Variants in CASP10 observed in about 807,000 individuals in gnomAD.
The protein encoded by CASP10 is caspase-10.
Under a neutral mutation model 48.5 loss-of-function variants are expected in CASP10, and 41 were observed. The observed-to-expected ratio is 0.85, with a 90% CI of 0.66 to 1.10. CASP10 has a LOEUF of 1.10. CASP10 is among the 50% of genes least tolerant of loss of function. CASP10 has a pLI of 0.00. For missense variants in CASP10, 614 were observed against 614.5 expected (o/e 1.00, Z 0.01); for synonymous variants, 232 against 238.4 (o/e 0.97, Z 0.25).
intron 3 of CASP10, among the ~76,000 whole-genome samples, chr2:201,192,405 A>G (rs1315700746): frequency 6.6e-6 from 1 of 151,430 alleles, no homozygotes; most frequent in Non-Finnish European, 1.5e-5. Flanking sequence ...AATAATAATA[A>G]TAATAATAAT....
In CASP10 at chr2:201,218,519, C is replaced by T. The variant is rs1353595847; in HGVS notation, c.*778C>T. 1.2e-6 allele frequency: 1 copy of T among 851,854 alleles called. No individual in the cohort carries two copies. Among genetic ancestry groups the T allele is most frequent in the Non-Finnish European group, 1.4e-6 (1 of 708,628 alleles). 52.8% of individuals were successfully genotyped at this position (851,854 alleles called of 1,614,324 possible). A position where few individuals can be genotyped will look rare whatever the true frequency, so the allele number is the denominator to read the frequency against. Reference sequence around the variant, plus strand: ...GTTTCACTATGTTGCCTAAGCTGGTCTCAAACTCCTGGGCTCAAGCGATCC... The same window carrying T: ...GTTTCACTATGTTGCCTAAGCTGGTTTCAAACTCCTGGGCTCAAGCGATCC... On this transcript the variant is annotated 3_prime_UTR_variant, in exon 10 of 10. Transcript: ENST00000286186.
intron 7 of CASP10, 152 bp downstream of exon 7, chr2:201,206,125 C>A: frequency 1.7e-6 from 1 of 587,990 alleles, no homozygotes; most frequent in South Asian, 1.9e-5. Flanking sequence ...TTGTTTCTCC[C>A]TCTCTCTGTA....
intron 9 of CASP10, among the ~76,000 whole-genome samples, chr2:201,216,256 C>T (rs1945565567): frequency 6.6e-6 from 1 of 151,196 alleles, no homozygotes; most frequent in Admixed American, 6.6e-5. Flanking sequence ...GTAGTCCTAG[C>T]TATTAGGGAG....
At chr2:201,205,325 G>A (rs1945165008) in intron 6 of CASP10, among the ~76,000 whole-genome samples, 1 of 151,188 alleles carries the variant, frequency 6.6e-6, no homozygotes, top group African/African-American at 2.4e-5. Flanking sequence ...CTCGGACTCA[G>A]GTGATCCTCC....
Position 201,228,989 on chromosome 2 carries a change from G to A in CASP10, c.1472G>A (p.Trp491Ter), listed in dbSNP as rs760168071. 1 of 1,614,068 alleles carries A rather than the reference G, an allele frequency of 6.2e-7. No individual in the cohort carries two copies. The highest frequency in any genetic ancestry group is 8.5e-7 in the Non-Finnish European group (1 of 1,179,940). ...ATCAGGGGCAGGAAGAGAACAGTGTGGGGTGCTAAACAGATCTCAGCAACC... is the reference window on the plus strand; with the variant it reads ...ATCAGGGGCAGGAAGAGAACAGTGTAGGGTGCTAAACAGATCTCAGCAACC... Residue 491 changes from tryptophan (W) to a stop codon, truncating the protein, a stop_gained, in exon 10 of 10, where the codon TGG (tryptophan) becomes TAG (stop). Transcript: ENST00000272879. LOFTEE classifies it low-confidence loss of function (END_TRUNC).
Position 201,217,834 on chromosome 2 carries a change from G to A in CASP10, c.*93G>A, listed in dbSNP as rs780624364. 8.1e-6 allele frequency: 13 copies of A among 1,610,646 alleles called. No homozygotes were observed. Among genetic ancestry groups the A allele is most frequent in the Non-Finnish European group, 1.1e-5 (13 of 1,178,348 alleles). On this transcript the variant is annotated 3_prime_UTR_variant, in exon 10 of 10. Transcript: ENST00000286186. ...GCACAGGAATCGGTGGTCTCCACCTGTCATTCTAGAAACAGGAAACACCGT... is the reference window on the plus strand; with the variant it reads ...GCACAGGAATCGGTGGTCTCCACCTATCATTCTAGAAACAGGAAACACCGT...
intron 3 of CASP10, among the ~76,000 whole-genome samples, chr2:201,192,250 T>G (rs963232249): frequency 6.6e-6 from 1 of 151,946 alleles, no homozygotes; most frequent in African/African-American, 2.4e-5. Context: ...AAAAATTAGC[T>G]GGATGTGGTG....
chr2:201,226,736 T>A (rs1227609316), intron 9 of CASP10, among the ~76,000 whole-genome samples: 1 of 152,022 alleles, frequency 6.6e-6, no homozygotes, highest in Non-Finnish European at 1.5e-5. Context: ...TATATATTCA[T>A]CAAGAGGAGG....
intron 7 of CASP10, among the ~76,000 whole-genome samples, chr2:201,206,477 C>T (rs1428385257): frequency 6.7e-6 from 1 of 149,136 alleles, no homozygotes; most frequent in Non-Finnish European, 1.5e-5. Context: ...ATTGAATATA[C>T]AGCCATCTTT....
intron 9 of CASP10, among the ~76,000 whole-genome samples, chr2:201,215,494 C>T (rs761868395): frequency 3.3e-5 from 5 of 151,924 alleles, no homozygotes; most frequent in Non-Finnish European, 5.9e-5. Context: ...TTCCCAGCAC[C>T]GTTTTTTGAA....
chr2:201,208,287 A>T, intron 8 of CASP10, 104 bp downstream of exon 8: 1 of 1,467,486 alleles, frequency 6.8e-7, no homozygotes, highest in Non-Finnish European at 9.0e-7. Flanking sequence ...ATATACGTGT[A>T]AGGATGATAT....
chr2:201,206,450 T>G (rs935661507), intron 7 of CASP10, among the ~76,000 whole-genome samples: 3 of 150,698 alleles, frequency 2.0e-5, no homozygotes, highest in Non-Finnish European at 4.4e-5. Context: ...AATATATATA[T>G]ATATTGAATT....
At chr2:201,192,434 G>A (rs1421711103) in intron 3 of CASP10, among the ~76,000 whole-genome samples, 1 of 149,802 alleles carries the variant, frequency 6.7e-6, no homozygotes, top group African/African-American at 2.4e-5. Context: ...TAGCTGAATT[G>A]TGATTTTTTG....
intron 9 of CASP10, among the ~76,000 whole-genome samples, chr2:201,227,599 C>G (rs2126069638): frequency 6.6e-6 from 1 of 152,210 alleles, no homozygotes; most frequent in South Asian, 2.1e-4. Flanking sequence ...CTCTGTTGCC[C>G]AGGCTGGAGT....
chr2:201,202,363 T>C (rs1417374665), intron 5 of CASP10, among the ~76,000 whole-genome samples: 1 of 152,152 alleles, frequency 6.6e-6, no homozygotes, highest in East Asian at 1.9e-4. Context: ...TTGAGAGGTG[T>C]CAACAGAGGA....
intron 4 of CASP10, among the ~76,000 whole-genome samples, chr2:201,195,063 C>G (rs1194557590): frequency 6.6e-6 from 1 of 151,714 alleles, no homozygotes; most frequent in Non-Finnish European, 1.5e-5. Context: ...AGGTGTGAGC[C>G]ACCGCGCCCG....
chr2:201,210,563 G>A (rs1945360263), intron 9 of CASP10, among the ~76,000 whole-genome samples: 1 of 152,146 alleles, frequency 6.6e-6, no homozygotes. Context: ...CCATTTGAAG[G>A]AATGGCCATA....
At chr2:201,206,154 A>T (rs886109578) in intron 7 of CASP10, 181 bp downstream of exon 7, 3 of 531,682 alleles carry the variant, frequency 5.6e-6, no homozygotes, top group Non-Finnish European at 1.0e-5. Flanking sequence ...TGTTCTTCCC[A>T]CCTTTTTCTG....
rs1945006029 is a variant in CASP10, at chr2:201,201,161, T to C, written c.685-2569T>C. 3.3e-5 allele frequency among the ~76,000 whole-genome samples: 5 copies of C among 152,128 alleles called. No homozygotes were observed. The South Asian group carries it at 1.0e-3, about 32-fold the overall frequency. On this transcript the variant is annotated intron_variant, in intron 5 of 9. Coordinates refer to ENST00000286186, the MANE Select transcript of CASP10 (RefSeq NM_032977.4). ...GCCTCCCGGGTTCAAATGATTCTCATGCCTCAGCTTCCCTAGTAGCTGGGA... is the reference window on the plus strand; with the variant it reads ...GCCTCCCGGGTTCAAATGATTCTCACGCCTCAGCTTCCCTAGTAGCTGGGA...
Sources: allele counts gnomAD v4.1 joint callset (sites outside exome capture counted in the v4.1 genomes callset), GRCh38; gene constraint gnomAD v4.1.1; transcripts MANE v1.5; gene names NCBI Gene and HGNC (gene_info 2026-07-23, HGNC 2026-07-21).